Variants in TMTC2 observed in about 807,000 individuals in gnomAD.
TMTC2 encodes the protein protein O-mannosyl-transferase TMTC2.
A neutral mutation model predicts 82.4 loss-of-function variants in TMTC2; 43 were observed. That is an observed-to-expected ratio of 0.52 (90% CI 0.41 to 0.67). The LOEUF (loss-of-function observed/expected upper bound fraction) is 0.67, where lower values mean the gene tolerates loss of function less well. Among genes scored for constraint, TMTC2 ranks in the 30% least tolerant of loss-of-function variants. The pLI, the probability that TMTC2 is intolerant of heterozygous loss-of-function variation, is 0.00. For synonymous variants in TMTC2, 408 were observed against 381.9 expected (o/e 1.07, Z -0.80); for missense variants, 919 against 1,012.4 (o/e 0.91, Z 1.25).
intron 1 of TMTC2, among the ~76,000 whole-genome samples, chr12:82,689,449 AAG>A (rs924527393): frequency 2.0e-5 from 3 of 152,244 alleles, no homozygotes; most frequent in Non-Finnish European, 2.9e-5. Flanking sequence ...TATTTAAAAA[AAG>A]AAACTTATTA....
At chr12:82,934,527 C>CT (rs1876213486) in intron 4 of TMTC2, among the ~76,000 whole-genome samples, 1 of 152,102 alleles carries the variant, frequency 6.6e-6, no homozygotes, top group Non-Finnish European at 1.5e-5. Flanking sequence ...TGGTTTCCAG[C>CT]ATCATCCATG....
In TMTC2 at chr12:82,895,809, T is replaced by G. The variant is rs759456820; in HGVS notation, c.655-9T>G. The G allele has an allele frequency of 3.8e-5, 60 of 1,590,922 alleles. No individual in the cohort carries two copies. Among genetic ancestry groups the G allele is most frequent in the Non-Finnish European group, 3.9e-5 (46 of 1,169,054 alleles). On this transcript the variant is annotated splice_polypyrimidine_tract_variant and intron_variant, in intron 2 of 11. Transcript: ENST00000321196. ...ATCTTAATTTTTCCCTTCTCTCTTTTGGTTTCAGAGGAAGAACTTGTCGCT... is the reference window on the plus strand; with the variant it reads ...ATCTTAATTTTTCCCTTCTCTCTTTGGGTTTCAGAGGAAGAACTTGTCGCT...
chr12:83,124,493 G>C (rs1016019500), intron 11 of TMTC2, among the ~76,000 whole-genome samples: 2 of 151,492 alleles, frequency 1.3e-5, no homozygotes, highest in African/African-American at 4.9e-5. Flanking sequence ...GGTAAGTGTA[G>C]CAATTAATGC....
chr12:82,764,891 T>G, intron 1 of TMTC2, among the ~76,000 whole-genome samples: 1 of 148,038 alleles, frequency 6.8e-6, no homozygotes, highest in South Asian at 2.1e-4. Context: ...AGAGGAAAAA[T>G]GCAGGGAATC....
Position 83,066,522 on chromosome 12 carries a change from A to G in TMTC2, c.2331+4691A>G, listed in dbSNP as rs142387980. Among the ~76,000 whole-genome samples, 26 of 152,080 alleles carry G rather than the reference A, an allele frequency of 1.7e-4. 1 individual carries two copies. The East Asian group carries it at 2.9e-3, about 17-fold the overall frequency. ...TATTAAGCAAAGTGACATAATGAAA[A>G]TAGTAATTTAGAGTGGCGATTTATA... On this transcript the variant is annotated intron_variant, in intron 11 of 11. Coordinates refer to ENST00000321196, the MANE Select transcript of TMTC2 (RefSeq NM_152588.3).
chr12:83,048,090 T>A (rs1882210138), intron 9 of TMTC2, among the ~76,000 whole-genome samples: 1 of 152,256 alleles, frequency 6.6e-6, no homozygotes, highest in African/African-American at 2.4e-5. Flanking sequence ...TACCACATAA[T>A]GTATTAATGC....
intron 1 of TMTC2, among the ~76,000 whole-genome samples, chr12:82,762,259 G>T (rs559122327): frequency 6.6e-6 from 1 of 152,086 alleles, no homozygotes; most frequent in Non-Finnish European, 1.5e-5. Context: ...GAGCCACCAC[G>T]CGTGGCCGAC....
At chr12:82,883,864 T>A (rs1319129678) in intron 2 of TMTC2, among the ~76,000 whole-genome samples, 3 of 152,224 alleles carry the variant, frequency 2.0e-5, no homozygotes, top group African/African-American at 7.2e-5. Context: ...AAGAGAAGTA[T>A]CTTCTTTACT....
chr12:82,911,596 AT>A (rs1874662595), intron 3 of TMTC2, among the ~76,000 whole-genome samples: 1 of 151,830 alleles, frequency 6.6e-6, no homozygotes, highest in Non-Finnish European at 1.5e-5. Flanking sequence ...CCGTATTCTT[AT>A]TTATTTTTTT....
intron 1 of TMTC2, among the ~76,000 whole-genome samples, chr12:82,761,910 C>G (rs1029902499): frequency 2.8e-5 from 4 of 141,480 alleles, no homozygotes; most frequent in Admixed American, 1.4e-4. Context: ...CTTTCTTTTT[C>G]TTTTTCTTTC....
chr12:83,049,412 T>G (rs1481750485), intron 9 of TMTC2, among the ~76,000 whole-genome samples: 1 of 152,096 alleles, frequency 6.6e-6, no homozygotes, highest in Non-Finnish European at 1.5e-5. Context: ...AACATGGTGG[T>G]GTTTGGTTTT....
At chr12:83,018,540 T>A (rs967115154) in intron 8 of TMTC2, among the ~76,000 whole-genome samples, 5 of 152,218 alleles carry the variant, frequency 3.3e-5, no homozygotes, top group African/African-American at 1.2e-4. Flanking sequence ...TTGCACTAAT[T>A]CCCTAAATGG....
At chr12:82,780,011 G>T (rs1877817152) in intron 1 of TMTC2, among the ~76,000 whole-genome samples, 1 of 144,660 alleles carries the variant, frequency 6.9e-6, no homozygotes. Flanking sequence ...TTAAAAGATG[G>T]GTATTTTTTA....
chr12:82,754,778 G>T (rs939193096), intron 1 of TMTC2, among the ~76,000 whole-genome samples: 1 of 152,074 alleles, frequency 6.6e-6, no homozygotes, highest in Non-Finnish European at 1.5e-5. Context: ...TTCAGCTGAG[G>T]CAGTTCATGC....
At chr12:83,047,474 T>A (rs1882185885) in intron 9 of TMTC2, among the ~76,000 whole-genome samples, 1 of 152,228 alleles carries the variant, frequency 6.6e-6, no homozygotes. Flanking sequence ...TTTGAAATAT[T>A]CAAATTCAGT....
At chr12:82,742,241 A>G (rs1875450131) in intron 1 of TMTC2, among the ~76,000 whole-genome samples, 1 of 152,024 alleles carries the variant, frequency 6.6e-6, no homozygotes, top group South Asian at 2.1e-4. Context: ...AAACAGAGGC[A>G]TGTCTTCATG....
chr12:82,895,768 T>G, intron 2 of TMTC2, 50 bp from the exon 3 acceptor site: 1 of 1,501,246 alleles, frequency 6.7e-7, no homozygotes, highest in Non-Finnish European at 9.1e-7. Flanking sequence ...AGTGTTCCCA[T>G]GCTGTACTGA....
chr12:83,130,808 C>G (rs1245398704), intron 11 of TMTC2, among the ~76,000 whole-genome samples: 3 of 152,082 alleles, frequency 2.0e-5, no homozygotes, highest in Non-Finnish European at 4.4e-5. Flanking sequence ...TAACAGCATG[C>G]AAAGTTGATA....
chr12:83,119,643 A>G (rs1183281600), intron 11 of TMTC2, among the ~76,000 whole-genome samples: 1 of 152,248 alleles, frequency 6.6e-6, no homozygotes. Flanking sequence ...TGTTCTGTAT[A>G]TATCTGTTAA....
Sources: allele counts gnomAD v4.1 joint callset (sites outside exome capture counted in the v4.1 genomes callset), GRCh38; gene constraint gnomAD v4.1.1; transcripts MANE v1.5; gene names NCBI Gene and HGNC (gene_info 2026-07-23, HGNC 2026-07-21).